Variants in TNFAIP8 observed in about 807,000 individuals in gnomAD.
TNFAIP8 encodes TNF alpha induced protein 8, also known as tumor necrosis factor alpha-induced protein 8.
Under a neutral mutation model 13.3 loss-of-function variants are expected in TNFAIP8, and 7 were observed. The observed-to-expected ratio is 0.52, with a 90% confidence interval of 0.30 to 0.99. TNFAIP8 has a LOEUF of 0.99. Among genes scored for constraint, TNFAIP8 ranks in the 50% least tolerant of loss-of-function variants. The pLI is 0.07. For synonymous variants in TNFAIP8, 94 were observed against 87.6 expected, an observed-to-expected ratio of 1.07 and a Z score of -0.41; for missense variants, 258 against 236.9, an observed-to-expected ratio of 1.09 and a Z score of -0.58.
chr5:119,313,775 T>G (rs1181101534), intron 1 of TNFAIP8, among the ~76,000 whole-genome samples: 1 of 152,232 alleles, frequency 6.6e-6, no homozygotes, highest in African/African-American at 2.4e-5. Flanking sequence ...TCCTTGTGCT[T>G]AAGAAGTTTA....
At chr5:119,315,348 T>G (rs552392272) in intron 1 of TNFAIP8, among the ~76,000 whole-genome samples, 52 of 152,334 alleles carry the variant, frequency 3.4e-4, no homozygotes, top group Non-Finnish European at 6.5e-4. Flanking sequence ...CCTCCCAAAG[T>G]GCTGGGATTA....
chr5:119,298,112 G>T (rs915086314), intron 1 of TNFAIP8, among the ~76,000 whole-genome samples: 13 of 151,902 alleles, frequency 8.6e-5, no homozygotes, highest in African/African-American at 3.2e-4. Context: ...TTACATTTAC[G>T]ATTAATATTG....
chr5:119,308,854 C>CAAAA (rs61628819), intron 1 of TNFAIP8, among the ~76,000 whole-genome samples: 2 of 58,098 alleles, frequency 3.4e-5, no homozygotes, highest in Non-Finnish European at 4.8e-5. Context: ...GACTCCATCT[C>CAAAA]AAAAAAAAAA....
exon 1 of TNFAIP8, chr5:119,268,764 C>T: frequency 3.0e-6 from 2 of 667,166 alleles, no homozygotes; most frequent in South Asian, 1.6e-5. Context: ...CTGGCCTCTG[C>T]CTCCTTTTCT....
intron 1 of TNFAIP8, among the ~76,000 whole-genome samples, chr5:119,313,543 G>A (rs1295547168): frequency 6.6e-6 from 1 of 152,156 alleles, no homozygotes; most frequent in African/African-American, 2.4e-5. Context: ...TTTTAAAGAT[G>A]CCCTACAACA....
At chr5:119,335,211 C>G (rs938043663) in intron 1 of TNFAIP8, among the ~76,000 whole-genome samples, 5 of 152,148 alleles carry the variant, frequency 3.3e-5, no homozygotes, top group South Asian at 2.1e-4. Context: ...ACCACCTTTT[C>G]CCAATTCAGG....
Position 119,397,032 on chromosome 5 carries a change from CTT to C in TNFAIP8, c.*3653_*3654del, listed in dbSNP as rs1753089941. 1 of 137,828 alleles carries C rather than the reference CTT, an allele frequency of 7.3e-6. No individual in the cohort carries two copies. The highest frequency in any genetic ancestry group is 1.6e-5 in the Non-Finnish European group (1 of 64,370). The allele number at this position is 137,828 out of a possible 1,614,324, so 8.5% of individuals were successfully genotyped here. The stretch of plus-strand genomic sequence containing the variant: ...AAAAAAAAAAAGCATGAGTTAAGAA[CTT>C]TGATCGTACAGAAATATTGCGTTTT... On this transcript the variant is annotated 3_prime_UTR_variant, in exon 2 of 2. Transcript: ENST00000504771.
intron 1 of TNFAIP8, among the ~76,000 whole-genome samples, chr5:119,362,800 AAAAAG>A (rs1334890013): frequency 1.1e-4 from 16 of 152,210 alleles, no homozygotes; most frequent in African/African-American, 3.8e-4. Context: ...TCAAAAAAAA[AAAAAG>A]AAAAAAGAAA....
At chr5:119,292,801 A>G (rs2112633436) in intron 1 of TNFAIP8, among the ~76,000 whole-genome samples, 1 of 151,422 alleles carries the variant, frequency 6.6e-6, no homozygotes, top group East Asian at 1.9e-4. Context: ...CAGATGCAAA[A>G]GGCTACATAC....
chr5:119,383,688 A>C (rs1199592631), intron 1 of TNFAIP8, among the ~76,000 whole-genome samples: 1 of 152,186 alleles, frequency 6.6e-6, no homozygotes, highest in Non-Finnish European at 1.5e-5. Context: ...AAAAAAAACA[A>C]ATCTAAGTTG....
At chr5:119,287,213 C>G (rs1748824977) in intron 1 of TNFAIP8, among the ~76,000 whole-genome samples, 1 of 151,020 alleles carries the variant, frequency 6.6e-6, no homozygotes, top group Non-Finnish European at 1.5e-5. Flanking sequence ...CTATCACTTA[C>G]AGCATTCCTC....
intron 1 of TNFAIP8, among the ~76,000 whole-genome samples, chr5:119,373,147 A>T (rs898344779): frequency 6.6e-6 from 1 of 152,118 alleles, no homozygotes; most frequent in Admixed American, 6.5e-5. Context: ...ACAAAGCTTA[A>T]TAACCATACC....
intron 1 of TNFAIP8, among the ~76,000 whole-genome samples, chr5:119,385,099 A>C (rs1313794707): frequency 6.6e-6 from 1 of 152,222 alleles, no homozygotes; most frequent in African/African-American, 2.4e-5. Context: ...TGTAAGGAGA[A>C]ATGGCCTAGT....
intron 1 of TNFAIP8, among the ~76,000 whole-genome samples, chr5:119,306,817 C>T (rs1171866287): frequency 6.6e-6 from 1 of 152,134 alleles, no homozygotes; most frequent in East Asian, 1.9e-4. Context: ...TTCAAGGAAA[C>T]ACCTCATACT....
At chr5:119,376,025 T>C (rs1008197289) in intron 1 of TNFAIP8, among the ~76,000 whole-genome samples, 20 of 152,292 alleles carry the variant, frequency 1.3e-4, no homozygotes, top group Admixed American at 1.2e-3. Context: ...TGCCTATCTT[T>C]AGTGATGAAA....
intron 1 of TNFAIP8, among the ~76,000 whole-genome samples, chr5:119,339,109 G>A (rs913042109): frequency 3.3e-5 from 5 of 152,036 alleles, no homozygotes; most frequent in African/African-American, 7.2e-5. Context: ...CTGAATTGGC[G>A]TCTCTGATGT....
At chr5:119,387,285 A>G (rs1236585109) in intron 1 of TNFAIP8, among the ~76,000 whole-genome samples, 1 of 152,194 alleles carries the variant, frequency 6.6e-6, no homozygotes, top group East Asian at 1.9e-4. Flanking sequence ...CAAGAGAGCT[A>G]AGGTTTTATA....
At chr5:119,369,041 T>C (rs1331918190) in intron 1 of TNFAIP8, among the ~76,000 whole-genome samples, 2 of 148,432 alleles carry the variant, frequency 1.3e-5, no homozygotes, top group Non-Finnish European at 3.0e-5. Flanking sequence ...CCAAACTTTC[T>C]TTTCTTTTCT....
intron 1 of TNFAIP8, among the ~76,000 whole-genome samples, chr5:119,302,703 T>C (rs1449649711): frequency 6.6e-6 from 1 of 152,172 alleles, no homozygotes; most frequent in African/African-American, 2.4e-5. Context: ...TGCGTTAATT[T>C]CCATTCATAA....
Sources: allele counts gnomAD v4.1 joint callset (sites outside exome capture counted in the v4.1 genomes callset), GRCh38; gene constraint gnomAD v4.1.1; transcripts MANE v1.5; gene names NCBI Gene and HGNC (gene_info 2026-07-23, HGNC 2026-07-21).